ADAMTS20: variants seen among roughly 807,000 people sequenced by gnomAD.
ADAMTS20 encodes ADAM metallopeptidase with thrombospondin type 1 motif 20.
Under a neutral mutation model 260.1 loss-of-function variants are expected in ADAMTS20, and 225 were observed. That is an observed-to-expected ratio of 0.87 (90% CI 0.78 to 0.97). ADAMTS20 has a LOEUF of 0.97. Ranked by LOEUF, ADAMTS20 falls within the 50% of genes least tolerant of loss-of-function variation. The probability of loss-of-function intolerance (pLI) is 0.00; values close to 1 mark genes in which losing one functional copy is unlikely to be tolerated. For synonymous variants in ADAMTS20, 802 were observed against 769.5 expected (o/e 1.04, Z -0.70); for missense variants, 2,400 against 2,337.7 (o/e 1.03, Z -0.55).
At chr12:43,385,886 G>A (rs1272874876) in intron 29 of ADAMTS20, among the ~76,000 whole-genome samples, 1 of 151,954 alleles carries the variant, frequency 6.6e-6, no homozygotes, top group Non-Finnish European at 1.5e-5. Context: ...GTCTTGGGAG[G>A]GTTTATGCGT....
At chr12:43,524,291 C>G (rs764761287) in intron 3 of ADAMTS20, among the ~76,000 whole-genome samples, 1 of 108,622 alleles carries the variant, frequency 9.2e-6, no homozygotes, top group Non-Finnish European at 2.0e-5. Context: ...AGCCTAATTA[C>G]ACTACAGTAA....
At chr12:43,440,821 T>A (rs569476744) in intron 16 of ADAMTS20, among the ~76,000 whole-genome samples, 2 of 152,140 alleles carry the variant, frequency 1.3e-5, no homozygotes, top group Admixed American at 1.3e-4. Flanking sequence ...AACTCTAGGG[T>A]CGGGAGGCCG....
intron 7 of ADAMTS20, among the ~76,000 whole-genome samples, chr12:43,486,768 T>G (rs1455315027): frequency 6.6e-6 from 1 of 152,018 alleles, no homozygotes; most frequent in African/African-American, 2.4e-5. Flanking sequence ...GCAAAGGACA[T>G]GAACAGACAT....
At position 43,432,474 on chromosome 12, in the gene ADAMTS20, T is replaced by C; in HGVS notation, c.2932-6A>G. ...CCTCCACAACTCCTGGAACACTGAT[T>C]AAAAAAAAAAAAGTGGTAACTAATG... On this transcript the variant is annotated splice_polypyrimidine_tract_variant and splice_region_variant and intron_variant, in intron 20 of 38. Transcript: ENST00000389420. The C allele has an allele frequency of 7.7e-7, 1 of 1,299,894 alleles. No homozygotes were observed. The highest frequency in any genetic ancestry group is 1.1e-6 in the Non-Finnish European group (1 of 941,706). 80.5% of individuals were successfully genotyped at this position (1,299,894 alleles called of 1,614,324 possible). A position where few individuals can be genotyped will look rare whatever the true frequency, so the allele number is the denominator to read the frequency against.
In ADAMTS20 at chr12:43,376,045, C is replaced by T. The variant is rs1480470845; in HGVS notation, c.5312+12G>A. 6.3e-7 allele frequency: 1 copy of T among 1,588,362 alleles called. No homozygotes were observed. Among genetic ancestry groups the T allele is most frequent in the Admixed American group, 1.8e-5 (1 of 55,088 alleles). ...ATGAAAATGCTCAGATAGACCAAAA[C>T]ACATCTCGTACCTAAAGCCATACAC... On this transcript the variant is annotated intron_variant, in intron 35 of 38. Coordinates refer to ENST00000389420, the MANE Select transcript of ADAMTS20 (RefSeq NM_025003.5).
At chr12:43,376,499 T>C (rs1201763664) in intron 33 of ADAMTS20, 25 bp downstream of exon 33, 1 of 1,595,058 alleles carries the variant, frequency 6.3e-7, no homozygotes, top group Non-Finnish European at 8.5e-7. Context: ...CCTTAGGTAT[T>C]AGATTTTTGA....
chr12:43,372,879 T>C (rs1940136598), intron 36 of ADAMTS20, among the ~76,000 whole-genome samples: 1 of 152,164 alleles, frequency 6.6e-6, no homozygotes, highest in Admixed American at 6.5e-5. Context: ...ATTTTCTCAG[T>C]GAAATAGCGA....
Position 43,452,577 on chromosome 12 carries a change from C to T in ADAMTS20, c.1879G>A (p.Gly627Ser), listed in dbSNP as rs138986079. Residue 627 changes from glycine to serine, a missense_variant, in exon 13 of 39, where the codon GGT (glycine) becomes AGT (serine). Physicochemically the swap from Gly to Ser is moderately conservative, Grantham distance 56. Coordinates refer to ENST00000389420, the MANE Select transcript of ADAMTS20 (RefSeq NM_025003.5). ...FREKQCSDFNGKHLDISGIPS... is the reference protein window; with the variant it reads ...FREKQCSDFNSKHLDISGIPS... ...ATGCCACTGATGTCCAAATGTTTAC[C>T]ATTAAAATCAGAGCACTGCTTCTCT... 1 of 1,613,546 alleles carries T rather than the reference C, an allele frequency of 6.2e-7. No individual in the cohort carries two copies. Among genetic ancestry groups the T allele is most frequent in the East Asian group, 2.2e-5 (1 of 44,862 alleles).
intron 2 of ADAMTS20, among the ~76,000 whole-genome samples, chr12:43,544,670 A>G (rs560723452): frequency 9.2e-5 from 14 of 152,354 alleles, no homozygotes; most frequent in African/African-American, 3.4e-4. Flanking sequence ...AAGAGCAAAT[A>G]TAAATTCAAG....
chr12:43,551,948 G>C lies in ADAMTS20; in HGVS notation c.-27C>G. The C allele has an allele frequency of 6.2e-7, 1 of 1,606,706 alleles. No individual in the cohort carries two copies. Among genetic ancestry groups the C allele is most frequent in the Non-Finnish European group, 8.5e-7 (1 of 1,174,538 alleles). Reference sequence around the variant, plus strand: ...GTTCCACCCTGGGGACCCCGATCGGGGAGGCCCACCAGAGCCGCCGGCAGC... The same window carrying C: ...GTTCCACCCTGGGGACCCCGATCGGCGAGGCCCACCAGAGCCGCCGGCAGC... On this transcript the variant is annotated 5_prime_UTR_variant, in exon 1 of 39. Coordinates refer to ENST00000389420, the MANE Select transcript of ADAMTS20 (RefSeq NM_025003.5). The surrounding 1 kb of genome is among the most constrained non-coding windows in gnomAD (Gnocchi z 4.6).
At chr12:43,404,142 G>C (rs1170180013) in intron 28 of ADAMTS20, among the ~76,000 whole-genome samples, 1 of 148,714 alleles carries the variant, frequency 6.7e-6, no homozygotes, top group Non-Finnish European at 1.5e-5. Context: ...TTCTTTTCCA[G>C]ACTATAAAAT....
chr12:43,461,778 C>T lies in ADAMTS20; in HGVS notation c.1614+1117G>A, dbSNP rs1028874374. 3.3e-5 allele frequency among the ~76,000 whole-genome samples: 5 copies of T among 151,946 alleles called. No individual in the cohort carries two copies. The South Asian group carries it at 1.0e-3, about 32-fold the overall frequency. On this transcript the variant is annotated intron_variant, in intron 11 of 38. Coordinates refer to ENST00000389420, the MANE Select transcript of ADAMTS20 (RefSeq NM_025003.5). The stretch of plus-strand genomic sequence containing the variant: ...TATTTACTAATACTAGTCACAGGAA[C>T]CGAGAAAAAAATAAAGTCCTTTAAA...
intron 36 of ADAMTS20, among the ~76,000 whole-genome samples, chr12:43,373,671 T>C (rs12828074): frequency 1.6e-4 from 4 of 24,360 alleles, no homozygotes; most frequent in Non-Finnish European, 2.9e-4. Context: ...ATATCATCTC[T>C]TTTTTTTTTT....
intron 28 of ADAMTS20, among the ~76,000 whole-genome samples, chr12:43,408,639 C>A (rs902537340): frequency 1.3e-5 from 2 of 152,074 alleles, no homozygotes; most frequent in African/African-American, 2.4e-5. Context: ...GATTAAAAGA[C>A]CATACCCACT....
chr12:43,383,980 A>G lies in ADAMTS20; in HGVS notation c.4453-3T>C, dbSNP rs1285021723. Reference sequence around the variant, plus strand: ...CCAGAGCCACAGGTCACAGAGCACTACAAAGGAGTCCAGTTGATTTGAACA... The same window carrying G: ...CCAGAGCCACAGGTCACAGAGCACTGCAAAGGAGTCCAGTTGATTTGAACA... On this transcript the variant is annotated splice_polypyrimidine_tract_variant and splice_region_variant and intron_variant, in intron 29 of 38. Coordinates refer to ENST00000389420, the MANE Select transcript of ADAMTS20 (RefSeq NM_025003.5). 2.5e-6 allele frequency: 4 copies of G among 1,604,106 alleles called. No homozygotes were observed. In the Admixed American group the frequency reaches 6.8e-5, roughly 27 times the overall value.
chr12:43,513,867 C>T (rs1592105098), intron 3 of ADAMTS20, among the ~76,000 whole-genome samples: 2 of 147,474 alleles, frequency 1.4e-5, no homozygotes, highest in South Asian at 4.3e-4. Context: ...ACAATGAGAA[C>T]ACATAGACAC....
rs1246496369 is a variant in ADAMTS20, at chr12:43,536,859, CTT to C, written c.454-4666_454-4665del. Reference sequence around the variant, plus strand: ...CAAATATATTTACCTACATTTAAAACTTTGCACTTTTCCACATGGAAAGGCAT... The same window carrying C: ...CAAATATATTTACCTACATTTAAAACTGCACTTTTCCACATGGAAAGGCAT... On this transcript the variant is annotated intron_variant, in intron 2 of 38. Transcript: ENST00000389420. Among the ~76,000 whole-genome samples the C allele has an allele frequency of 3.3e-5, 5 of 152,318 alleles. No homozygotes were observed. The East Asian group carries it at 9.6e-4, about 29-fold the overall frequency.
At chr12:43,366,716 G>T (rs1939994561) in intron 37 of ADAMTS20, among the ~76,000 whole-genome samples, 3 of 151,430 alleles carry the variant, frequency 2.0e-5, no homozygotes. Context: ...ATATACCAAA[G>T]ACCTAACTAT....
intron 29 of ADAMTS20, 21 bp from the exon 30 acceptor site, chr12:43,383,998 T>C (rs370901810): frequency 1.3e-6 from 2 of 1,578,342 alleles, no homozygotes; most frequent in African/African-American, 1.4e-5. Context: ...GTCCAGTTGA[T>C]TTGAACAATT....
Sources: gnomAD v4.1 joint callset for allele counts (sites outside exome capture counted in the v4.1 genomes callset) on GRCh38, gnomAD v4.1.1 for gene constraint, Gnocchi (gnomAD v3.1) non-coding constraint, MANE v1.5 for transcripts, NCBI Gene and HGNC (gene_info 2026-07-23, HGNC 2026-07-21) for gene names.